The following FRMD5 variants were observed in gnomAD, a reference collection of about 807,000 sequenced individuals.
FRMD5 encodes FERM domain containing 5.
FRMD5 carries 20 observed loss-of-function variants against 69.0 expected under a neutral mutation model. The ratio of observed to expected loss-of-function variants is 0.29; its 90% CI spans 0.20 to 0.42. The LOEUF (loss-of-function observed/expected upper bound fraction) is 0.42. FRMD5 is among the 10% of genes least tolerant of loss of function. The pLI is 1.00. For synonymous variants in FRMD5, 271 were observed against 260.1 expected (o/e 1.04, Z -0.40); for missense variants, 595 against 708.6 (o/e 0.84, Z 1.82).
intron 1 of FRMD5, chr15:44,064,140 T>TA (rs1233072412): frequency 9.2e-6 from 2 of 216,870 alleles, no homozygotes; most frequent in South Asian, 1.4e-4. Flanking sequence ...TGCTTGCATC[T>TA]ACTGGCACTG....
intron 1 of FRMD5, among the ~76,000 whole-genome samples, chr15:44,026,985 T>C (rs769331319): frequency 2.6e-5 from 4 of 152,132 alleles, no homozygotes; most frequent in Non-Finnish European, 4.4e-5. Flanking sequence ...ATTCCTAAAA[T>C]ACAATGCAAT....
chr15:43,916,603 G>A (rs921499866), intron 4 of FRMD5, among the ~76,000 whole-genome samples: 1 of 152,116 alleles, frequency 6.6e-6, no homozygotes, highest in South Asian at 2.1e-4. Context: ...TTTTATAAAT[G>A]AGTAATCTAA....
In FRMD5 at chr15:43,871,884, CCA is replaced by C. The variant is rs1444409750; in HGVS notation, c.*1999_*2000del. ...CTAGTGCCTCCACTGGGAAGAGGTC[CCA>C]GATCTTTGATACATGTCAGGCATGG... is the stretch of plus-strand genomic sequence containing the variant. On this transcript the variant is annotated 3_prime_UTR_variant, in exon 14 of 14. Transcript: ENST00000417257. 6.6e-6 allele frequency: 1 copy of C among 152,124 alleles called. No individual in the cohort carries two copies. Among genetic ancestry groups the C allele is most frequent in the Non-Finnish European group, 1.5e-5 (1 of 68,020 alleles). 9.4% of individuals were successfully genotyped at this position (152,124 alleles called of 1,614,324 possible). A position where few individuals can be genotyped will look rare whatever the true frequency, so the allele number is the denominator to read the frequency against.
At chr15:43,874,611 G>A (rs2088274776) in intron 13 of FRMD5, 149 bp from the exon 14 acceptor site, 2 of 642,426 alleles carry the variant, frequency 3.1e-6, no homozygotes, top group South Asian at 3.6e-5. Flanking sequence ...ATATCGAGAA[G>A]ACGACAGGCC....
chr15:44,193,071 A>C (rs946503879), intron 1 of FRMD5, among the ~76,000 whole-genome samples: 4 of 152,214 alleles, frequency 2.6e-5, no homozygotes, highest in Admixed American at 1.3e-4. Flanking sequence ...CCACAATTAT[A>C]ATACCAATCA....
At chr15:43,913,127 C>T (rs910528266) in intron 4 of FRMD5, among the ~76,000 whole-genome samples, 9 of 152,112 alleles carry the variant, frequency 5.9e-5, no homozygotes, top group Non-Finnish European at 8.8e-5. Context: ...CCTGCTCACA[C>T]TGAGAACCAC....
intron 1 of FRMD5, among the ~76,000 whole-genome samples, chr15:44,005,393 C>G (rs960019662): frequency 1.4e-5 from 2 of 143,292 alleles, no homozygotes; most frequent in African/African-American, 5.1e-5. Flanking sequence ...ATCACTTGAA[C>G]CCGGTAGGTG....
intron 2 of FRMD5, among the ~76,000 whole-genome samples, chr15:43,920,337 T>C (rs1389505107): frequency 2.0e-5 from 3 of 152,208 alleles, no homozygotes; most frequent in Admixed American, 6.5e-5. Flanking sequence ...CCATCTTTCT[T>C]TGAGTAACAT....
chr15:43,986,800 G>GT (rs142191125), intron 1 of FRMD5, among the ~76,000 whole-genome samples: 6,370 of 146,264 alleles, frequency 0.044, 245 homozygotes, highest in East Asian at 0.18. Flanking sequence ...TGGGGTTTTT[G>GT]TTTTTTTTTT....
intron 1 of FRMD5, among the ~76,000 whole-genome samples, chr15:44,119,729 CTT>C (rs3040926): frequency 0.059 from 8,556 of 145,934 alleles, 590 homozygotes; most frequent in African/African-American, 0.16. Flanking sequence ...CTGTCTACTT[CTT>C]TTTTTTTTTT....
At chr15:43,885,451 T>C (rs1351637211) in intron 11 of FRMD5, among the ~76,000 whole-genome samples, 8 of 152,160 alleles carry the variant, frequency 5.3e-5, no homozygotes, top group African/African-American at 1.2e-4. Context: ...GCTGGGATTA[T>C]AGGCATGAGC....
At chr15:44,016,914 G>A (rs953353005) in intron 1 of FRMD5, among the ~76,000 whole-genome samples, 13 of 151,444 alleles carry the variant, frequency 8.6e-5, no homozygotes, top group Non-Finnish European at 1.3e-4. Context: ...CGAGTAGCTA[G>A]GACTACAGGT....
At chr15:44,090,148 T>C (rs1255521742) in intron 1 of FRMD5, among the ~76,000 whole-genome samples, 1 of 152,134 alleles carries the variant, frequency 6.6e-6, no homozygotes, top group Admixed American at 6.5e-5. Context: ...TGAAAATCTG[T>C]GGTATAGGTG....
At chr15:43,972,920 C>T (rs1008304709) in intron 1 of FRMD5, among the ~76,000 whole-genome samples, 3 of 152,212 alleles carry the variant, frequency 2.0e-5, no homozygotes, top group African/African-American at 7.2e-5. Flanking sequence ...CTATCCTATC[C>T]CATGTCTTCC....
intron 1 of FRMD5, among the ~76,000 whole-genome samples, chr15:43,939,091 G>A (rs975850301): frequency 4.0e-5 from 6 of 151,302 alleles, no homozygotes; most frequent in African/African-American, 1.2e-4. Flanking sequence ...GGCAGGTCTC[G>A]AACCCCTGAC....
chr15:43,916,167 G>A (rs144851000), intron 4 of FRMD5, among the ~76,000 whole-genome samples: 4 of 152,310 alleles, frequency 2.6e-5, no homozygotes, highest in East Asian at 3.9e-4. Context: ...CATGCAGACC[G>A]AGAGGAGCTC....
intron 7 of FRMD5, among the ~76,000 whole-genome samples, chr15:43,893,101 C>T: frequency 6.8e-6 from 1 of 146,072 alleles, no homozygotes; most frequent in Non-Finnish European, 1.5e-5. Flanking sequence ...GAGACTCCAT[C>T]TCAAAAAAAC....
At chr15:44,069,549 G>A (rs1249969298) in intron 1 of FRMD5, among the ~76,000 whole-genome samples, 1 of 152,044 alleles carries the variant, frequency 6.6e-6, no homozygotes, top group Non-Finnish European at 1.5e-5. Context: ...TATGTGGAGT[G>A]AAAAAAATCC....
rs751221501 is a variant in FRMD5, at chr15:43,905,853, C to A, written c.526G>T (p.Ala176Ser). The change falls in exon 6 of 14, where the codon GCT (alanine) becomes TCT (serine). Residue 176 changes from alanine to serine, a missense_variant. Transcript: ENST00000417257. Reference sequence around the variant, plus strand: ...CTCAGTTCCGTCTTGTGAATCTCAGCAATTTTCCTTTCCAGCTTCTCTGAA... The same window carrying A: ...CTCAGTTCCGTCTTGTGAATCTCAGAAATTTTCCTTTCCAGCTTCTCTGAA... The part of the protein sequence containing the change: ...KHSEKLERKI[A>S]EIHKTELSGQ... 1 of 1,614,122 alleles carries A rather than the reference C, an allele frequency of 6.2e-7. No homozygotes were observed. The highest frequency in any genetic ancestry group is 1.1e-5 in the South Asian group (1 of 91,092).
Sources: gnomAD v4.1 joint callset for allele counts (sites outside exome capture counted in the v4.1 genomes callset) on GRCh38, gnomAD v4.1.1 for gene constraint, MANE v1.5 for transcripts, NCBI Gene and HGNC (gene_info 2026-07-23, HGNC 2026-07-21) for gene names.